CACNA2D2: variants seen among roughly 807,000 people sequenced by gnomAD.
The protein encoded by CACNA2D2 is voltage-dependent calcium channel subunit alpha-2/delta-2.
A neutral mutation model predicts 166.4 loss-of-function variants in CACNA2D2; 48 were observed. The observed-to-expected ratio is 0.29, with a 90% confidence interval of 0.23 to 0.37. The LOEUF is 0.37. CACNA2D2 is among the 10% of genes least tolerant of loss of function. The pLI is 1.00. For missense variants in CACNA2D2, 1,122 were observed against 1,433.0 expected (o/e 0.78, Z 3.50); for synonymous variants, 561 against 573.7 (o/e 0.98, Z 0.32).
intron 2 of CACNA2D2, among the ~76,000 whole-genome samples, chr3:50,442,570 G>A (rs1188049467): frequency 1.3e-5 from 2 of 152,168 alleles, no homozygotes; most frequent in African/African-American, 4.8e-5. Context: ...TCATGTAGGT[G>A]CCACTGCTGA....
intron 22 of CACNA2D2, chr3:50,373,033 G>A: frequency 6.5e-7 from 1 of 1,530,342 alleles, no homozygotes; most frequent in Non-Finnish European, 8.8e-7. Context: ...GGGGTGGGAA[G>A]AGGAGGGTGC....
chr3:50,502,628 G>C (rs1339634613), intron 1 of CACNA2D2, among the ~76,000 whole-genome samples: 2 of 152,162 alleles, frequency 1.3e-5, no homozygotes, highest in Non-Finnish European at 2.9e-5. Context: ...GCTCTCCAGG[G>C]TACTCTCTCC....
intron 1 of CACNA2D2, among the ~76,000 whole-genome samples, chr3:50,483,775 C>T (rs574326282): frequency 1.6e-4 from 25 of 152,254 alleles, no homozygotes; most frequent in Admixed American, 1.4e-3. Flanking sequence ...TTTAGGGATC[C>T]ATATCTCAAG....
chr3:50,369,382 T>C (rs748205370), intron 23 of CACNA2D2, among the ~76,000 whole-genome samples: 1 of 152,232 alleles, frequency 6.6e-6, no homozygotes, highest in African/African-American at 2.4e-5. Flanking sequence ...GTGGGCCACA[T>C]AGGTCTTTTC....
intron 17 of CACNA2D2, among the ~76,000 whole-genome samples, chr3:50,377,198 C>T (rs1194326543): frequency 6.6e-6 from 1 of 152,178 alleles, no homozygotes; most frequent in Non-Finnish European, 1.5e-5. Flanking sequence ...TTGTTTGTGG[C>T]TGCTTTCACA....
chr3:50,490,217 A>G (rs1250068592), intron 1 of CACNA2D2, among the ~76,000 whole-genome samples: 1 of 152,180 alleles, frequency 6.6e-6, no homozygotes, highest in Admixed American at 6.5e-5. Context: ...GGCTGCATGC[A>G]CAGGCATTTG....
chr3:50,451,709 TG>T (rs1709112771), intron 2 of CACNA2D2, among the ~76,000 whole-genome samples: 2 of 152,126 alleles, frequency 1.3e-5, no homozygotes, highest in African/African-American at 4.8e-5. Context: ...AGTGAGAGGA[TG>T]GGGAGCCTGC....
intron 3 of CACNA2D2, among the ~76,000 whole-genome samples, chr3:50,396,174 C>T (rs773213465): frequency 6.6e-6 from 1 of 152,038 alleles, no homozygotes; most frequent in Non-Finnish European, 1.5e-5. Context: ...GACCCTCAGA[C>T]CCACCTGAGC....
intron 2 of CACNA2D2, among the ~76,000 whole-genome samples, chr3:50,443,653 CA>C (rs753414847): frequency 1.3e-5 from 2 of 152,226 alleles, no homozygotes; most frequent in Non-Finnish European, 2.9e-5. Context: ...CGCAGCAGGA[CA>C]AACGGCCCCC....
At chr3:50,458,939 C>T (rs1236644431) in intron 2 of CACNA2D2, among the ~76,000 whole-genome samples, 1 of 152,232 alleles carries the variant, frequency 6.6e-6, no homozygotes, top group Non-Finnish European at 1.5e-5. Context: ...GCCCACCGAC[C>T]TCCATCAACT....
chr3:50,482,317 T>C (rs1323539030), intron 1 of CACNA2D2, among the ~76,000 whole-genome samples: 1 of 151,818 alleles, frequency 6.6e-6, no homozygotes, highest in Non-Finnish European at 1.5e-5. Flanking sequence ...CCCTGGGGAG[T>C]CCTCTCTGAC....
At chr3:50,476,326 C>A (rs1351634151) in intron 1 of CACNA2D2, 127 bp from the exon 2 acceptor site, 4 of 688,160 alleles carry the variant, frequency 5.8e-6, no homozygotes, top group Middle Eastern at 3.8e-4. Context: ...AGAGGAGGAC[C>A]CACAGCAAGG....
intron 3 of CACNA2D2, among the ~76,000 whole-genome samples, chr3:50,418,577 G>A (rs377039250): frequency 1.3e-5 from 2 of 152,228 alleles, no homozygotes; most frequent in Admixed American, 1.3e-4. Flanking sequence ...TGTGAAGCAG[G>A]GCATGTGCAG....
At chr3:50,500,756 C>A (rs545234722) in intron 1 of CACNA2D2, among the ~76,000 whole-genome samples, 1 of 120,910 alleles carries the variant, frequency 8.3e-6, no homozygotes, top group South Asian at 3.3e-4. Flanking sequence ...AACCCCCCCA[C>A]CCCCCGCCCA....
rs1164088433 is a variant in CACNA2D2 at position 50,365,257 on chromosome 3, C to G, written c.3099-73G>C. On this transcript the variant is annotated intron_variant, in intron 35 of 37. Coordinates refer to ENST00000424201, the MANE Select transcript of CACNA2D2 (RefSeq NM_006030.4). This position sits in a 1 kb window ranked among gnomAD's most constrained non-coding sequence, Gnocchi z 4.5. ...CCCACCCCCATCCTGCGGCCCCGCC[C>G]CCGGCCGCTCGGAGGCCCCGCCCCT... 6.4e-7 allele frequency: 1 copy of G among 1,571,556 alleles called. No individual in the cohort carries two copies. Among genetic ancestry groups the G allele is most frequent in the Admixed American group, 1.9e-5 (1 of 52,888 alleles).
At chr3:50,454,999 G>C (rs1409471934) in intron 2 of CACNA2D2, among the ~76,000 whole-genome samples, 1 of 152,208 alleles carries the variant, frequency 6.6e-6, no homozygotes, top group East Asian at 1.9e-4. Context: ...CAGCTGAAAA[G>C]AAAGGCTTCG....
intron 3 of CACNA2D2, among the ~76,000 whole-genome samples, chr3:50,410,175 G>A (rs567124543): frequency 7.2e-5 from 11 of 152,324 alleles, no homozygotes; most frequent in South Asian, 2.1e-4. Flanking sequence ...CTTTGGGGGC[G>A]GCTGTGCTTG....
intron 2 of CACNA2D2, among the ~76,000 whole-genome samples, chr3:50,438,364 T>A (rs1392832286): frequency 2.0e-5 from 3 of 152,096 alleles, no homozygotes; most frequent in Non-Finnish European, 4.4e-5. Context: ...CTCTCTCAGC[T>A]CTAGCAGTTC....
At chr3:50,454,476 C>A (rs1709259730) in intron 2 of CACNA2D2, among the ~76,000 whole-genome samples, 1 of 152,188 alleles carries the variant, frequency 6.6e-6, no homozygotes, top group African/African-American at 2.4e-5. Context: ...CTTGCCTCTC[C>A]CCCGAGGAGA....
Sources: gnomAD v4.1 joint callset for allele counts (sites outside exome capture counted in the v4.1 genomes callset) on GRCh38, gnomAD v4.1.1 for gene constraint, Gnocchi (gnomAD v3.1) non-coding constraint, MANE v1.5 for transcripts, NCBI Gene and HGNC (gene_info 2026-07-23, HGNC 2026-07-21) for gene names.